EPCIP: variants seen among roughly 807,000 people sequenced by gnomAD.
The protein encoded by EPCIP is exosomal polycystin-1-interacting protein.
At chr21:32,793,870 A>G in the EPCIP span, 2 of 1,613,960 alleles carry the variant, frequency 1.2e-6, no homozygotes, top group African/African-American at 2.7e-5. Flanking sequence ...TTTCAATACT[A>G]TATGATTTTA....
At chr21:32,802,328 G>A in the EPCIP span, among the ~76,000 whole-genome samples, 1 of 152,186 alleles carries the variant, frequency 6.6e-6, no homozygotes, top group Non-Finnish European at 1.5e-5. Context: ...ATGAAAGTTT[G>A]AATATTTTCA....
chr21:32,805,301 C>T, the EPCIP span, among the ~76,000 whole-genome samples: 3 of 152,134 alleles, frequency 2.0e-5, no homozygotes, highest in Non-Finnish European at 4.4e-5. Flanking sequence ...AACTTCTGAC[C>T]TCCAGAAGTG....
the EPCIP span, among the ~76,000 whole-genome samples, chr21:32,807,067 G>A: frequency 2.1e-3 from 313 of 152,244 alleles, 4 homozygotes; most frequent in African/African-American, 6.6e-3. Flanking sequence ...AACCACCCCC[G>A]TGATTCAATA....
the EPCIP span, chr21:32,794,615 C>T: frequency 8.0e-6 from 5 of 622,456 alleles, no homozygotes; most frequent in Non-Finnish European, 1.4e-5. Flanking sequence ...TCCTGAGCCA[C>T]AGGCAATGCT....
chr21:32,800,580 G>A, the EPCIP span, among the ~76,000 whole-genome samples: 2 of 152,226 alleles, frequency 1.3e-5, no homozygotes, highest in Non-Finnish European at 2.9e-5. Flanking sequence ...CACTCTGGGA[G>A]GCCAAGGCAG....
At chr21:32,810,312 G>A in the EPCIP span, among the ~76,000 whole-genome samples, 3 of 142,732 alleles carry the variant, frequency 2.1e-5, no homozygotes, top group East Asian at 2.0e-4. Context: ...CTGGAGTGCA[G>A]TGGTGTGATC....
At chr21:32,813,166 A>T in the EPCIP span, among the ~76,000 whole-genome samples, 1 of 152,130 alleles carries the variant, frequency 6.6e-6, no homozygotes, top group African/African-American at 2.4e-5. Context: ...GAGATATCAT[A>T]TCTCTTTTCC....
At chr21:32,809,155 T>G in the EPCIP span, among the ~76,000 whole-genome samples, 1 of 146,900 alleles carries the variant, frequency 6.8e-6, no homozygotes, top group African/African-American at 2.5e-5. Flanking sequence ...CATCACGGCA[T>G]GTTGTGGGGA....
At chr21:32,794,933 T>C in the EPCIP span, among the ~76,000 whole-genome samples, 2 of 152,336 alleles carry the variant, frequency 1.3e-5, no homozygotes, top group South Asian at 4.1e-4. Context: ...TCTGACTTCC[T>C]GGAATTCGGG....
At chr21:32,810,512 C>A in the EPCIP span, 4 of 459,196 alleles carry the variant, frequency 8.7e-6, no homozygotes, top group South Asian at 6.2e-5. Flanking sequence ...CCGCCCGCCT[C>A]GGCCTCCCAA....
At chr21:32,797,144 G>A in the EPCIP span, 10 of 354,702 alleles carry the variant, frequency 2.8e-5, no homozygotes, top group Middle Eastern at 5.6e-4. Context: ...CACATGCCTA[G>A]TGGGGGAAGG....
At chr21:32,795,118 C>T in the EPCIP span, among the ~76,000 whole-genome samples, 53 of 152,178 alleles carry the variant, frequency 3.5e-4, no homozygotes, top group Non-Finnish European at 6.8e-4. Context: ...TGTTCAGGGC[C>T]TCTTACAAAT....
At chr21:32,805,564 G>A in the EPCIP span, among the ~76,000 whole-genome samples, 3 of 152,098 alleles carry the variant, frequency 2.0e-5, no homozygotes, top group African/African-American at 7.2e-5. Context: ...GTTTCACCAT[G>A]TTGGCCAGGC....
the EPCIP span, among the ~76,000 whole-genome samples, chr21:32,806,395 G>A: frequency 6.6e-6 from 1 of 152,180 alleles, no homozygotes; most frequent in African/African-American, 2.4e-5. Context: ...GTGGGGGCTG[G>A]GGACAGAAGC....
At chr21:32,792,760 C>T in the EPCIP span, among the ~76,000 whole-genome samples, 1 of 152,180 alleles carries the variant, frequency 6.6e-6, no homozygotes, top group South Asian at 2.1e-4. Context: ...AACACTGGTC[C>T]CCCCATTTGA....
At chr21:32,791,811 T>C in the EPCIP span, among the ~76,000 whole-genome samples, 1 of 152,212 alleles carries the variant, frequency 6.6e-6, no homozygotes, top group Admixed American at 6.5e-5. Context: ...GACTATTTCT[T>C]ATCATTATGG....
chr21:32,802,754 GA>G, the EPCIP span, among the ~76,000 whole-genome samples: 12 of 152,160 alleles, frequency 7.9e-5, no homozygotes, highest in Non-Finnish European at 1.8e-4. Context: ...CTCCAGGAGG[GA>G]ACCAGTGGTA....
chr21:32,811,807 G>C, the EPCIP span, among the ~76,000 whole-genome samples: 19 of 152,318 alleles, frequency 1.2e-4, no homozygotes, highest in African/African-American at 4.6e-4. Flanking sequence ...CCTCATGAAT[G>C]GATTAATGCT....
At chr21:32,794,198 C>A in the EPCIP span, 1 of 1,614,264 alleles carries the variant, frequency 6.2e-7, no homozygotes, top group Non-Finnish European at 8.5e-7. Flanking sequence ...GCCATTGTAG[C>A]TGGTTCGCTC....
Sources: gnomAD v4.1 joint callset for allele counts (sites outside exome capture counted in the v4.1 genomes callset) on GRCh38, gnomAD v4.1.1 for gene constraint, MANE v1.5 for transcripts, NCBI Gene and HGNC (gene_info 2026-07-23, HGNC 2026-07-21) for gene names.